GABRG3: variants seen among roughly 807,000 people sequenced by gnomAD.
The protein encoded by GABRG3 is gamma-aminobutyric acid type A receptor subunit gamma3, also known as gamma-aminobutyric acid receptor subunit gamma-3.
A neutral mutation model predicts 48.8 loss-of-function variants in GABRG3; 25 were observed. The observed-to-expected ratio is 0.51, with a 90% CI of 0.37 to 0.72. GABRG3 has a LOEUF of 0.72. GABRG3 is among the 30% of genes least tolerant of loss of function. The pLI is 0.00. For missense variants in GABRG3, 394 were observed against 577.9 expected (o/e 0.68, Z 3.26); for synonymous variants, 227 against 217.6 (o/e 1.04, Z -0.38).
At chr15:26,978,391 T>C (rs1275708422) in intron 2 of GABRG3, among the ~76,000 whole-genome samples, 1 of 152,206 alleles carries the variant, frequency 6.6e-6, no homozygotes, top group African/African-American at 2.4e-5. Flanking sequence ...TGTCTAAGAA[T>C]TCTGCATGAA....
intron 3 of GABRG3, among the ~76,000 whole-genome samples, chr15:27,220,300 C>A (rs912751788): frequency 6.6e-6 from 1 of 151,998 alleles, no homozygotes; most frequent in South Asian, 2.1e-4. Flanking sequence ...GGTTAAGGAA[C>A]CAAAGCTTTG....
At position 27,394,021 on chromosome 15, in the gene GABRG3, T is replaced by A. The variant is rs374299075; in HGVS notation, c.574+65133T>A. Among the ~76,000 whole-genome samples the A allele has an allele frequency of 6.6e-5, 10 of 152,350 alleles. 1 individual carries two copies. In the East Asian group the frequency reaches 9.6e-4, roughly 15 times the overall value. On this transcript the variant is annotated intron_variant, in intron 5 of 9. Transcript: ENST00000615808. ...ATAGACAGCATATAGTCTGATCATGTTCTTGTTTTAATCTATTCTGCCAAT... is the reference window on the plus strand; with the variant it reads ...ATAGACAGCATATAGTCTGATCATGATCTTGTTTTAATCTATTCTGCCAAT...
intron 3 of GABRG3, among the ~76,000 whole-genome samples, chr15:27,285,741 T>A (rs187624272): frequency 1.3e-5 from 2 of 152,280 alleles, no homozygotes; most frequent in Admixed American, 1.3e-4. Context: ...CTTTATCTTC[T>A]TGAGTAAAAT....
Position 27,541,957 on chromosome 15 carries a change from T to C in GABRG3, c.*9076T>C, listed in dbSNP as rs917600300. 2 of 152,274 alleles carry C rather than the reference T, an allele frequency of 1.3e-5. No individual in the cohort carries two copies. The highest frequency in any genetic ancestry group is 4.8e-5 in the African/African-American group (2 of 41,470). 9.4% of individuals were successfully genotyped at this position (152,274 alleles called of 1,614,324 possible). A position where few individuals can be genotyped will look rare whatever the true frequency, so the allele number is the denominator to read the frequency against. ...TGGATTCCTACGTTTGTACTTCTAA[T>C]ACAAATAAATGCACATGTTGTCAGA... On this transcript the variant is annotated 3_prime_UTR_variant, in exon 10 of 10. Transcript: ENST00000615808.
chr15:27,316,315 G>C (rs1169631611), intron 3 of GABRG3, among the ~76,000 whole-genome samples: 1 of 149,544 alleles, frequency 6.7e-6, no homozygotes, highest in Admixed American at 6.7e-5. Flanking sequence ...GTGAACCCGG[G>C]AGGCAGAGCT....
At chr15:27,186,479 G>A (rs1232004625) in intron 3 of GABRG3, among the ~76,000 whole-genome samples, 1 of 152,166 alleles carries the variant, frequency 6.6e-6, no homozygotes, top group Non-Finnish European at 1.5e-5. Context: ...ACATGTGGGT[G>A]CATCGTATGT....
intron 3 of GABRG3, among the ~76,000 whole-genome samples, chr15:27,166,322 C>T (rs1887368580): frequency 6.6e-6 from 1 of 152,164 alleles, no homozygotes; most frequent in African/African-American, 2.4e-5. Context: ...AATAGAGTAT[C>T]ACCATTAATT....
intron 3 of GABRG3, among the ~76,000 whole-genome samples, chr15:27,276,072 G>A (rs1891243521): frequency 6.6e-6 from 1 of 152,188 alleles, no homozygotes; most frequent in South Asian, 2.1e-4. Context: ...AACGAGCAAA[G>A]GCTGTTCATT....
intron 3 of GABRG3, among the ~76,000 whole-genome samples, chr15:27,047,204 C>T (rs1025151215): frequency 1.3e-5 from 2 of 152,174 alleles, no homozygotes; most frequent in African/African-American, 4.8e-5. Context: ...TCCATATTCC[C>T]CGAGACTTCC....
intron 7 of GABRG3, among the ~76,000 whole-genome samples, chr15:27,526,867 A>G (rs1477341910): frequency 3.3e-5 from 5 of 152,214 alleles, no homozygotes; most frequent in African/African-American, 4.8e-5. Context: ...CTTAAAGACC[A>G]CACAATCTAT....
chr15:27,382,030 T>C (rs972269665), intron 5 of GABRG3, among the ~76,000 whole-genome samples: 1 of 152,232 alleles, frequency 6.6e-6, no homozygotes, highest in African/African-American at 2.4e-5. Flanking sequence ...GTAGTTATTA[T>C]TATTGCTTCC....
intron 3 of GABRG3, among the ~76,000 whole-genome samples, chr15:27,247,089 C>A (rs943718012): frequency 1.3e-5 from 2 of 152,132 alleles, no homozygotes; most frequent in African/African-American, 4.8e-5. Flanking sequence ...CAGGTGTGCA[C>A]CACCATGCTG....
At chr15:27,470,844 T>C (rs1247640213) in intron 5 of GABRG3, among the ~76,000 whole-genome samples, 1 of 152,094 alleles carries the variant, frequency 6.6e-6, no homozygotes, top group African/African-American at 2.4e-5. Context: ...CTAGAAAAGT[T>C]TTTCCAAAGC....
intron 5 of GABRG3, among the ~76,000 whole-genome samples, chr15:27,395,565 G>T (rs1269999814): frequency 1.3e-5 from 2 of 151,778 alleles, no homozygotes; most frequent in East Asian, 3.9e-4. Context: ...ACAGAATTGA[G>T]AATCTAGAAA....
At chr15:27,286,411 ATCT>A (rs992916483) in intron 3 of GABRG3, among the ~76,000 whole-genome samples, 2 of 152,182 alleles carry the variant, frequency 1.3e-5, no homozygotes, top group East Asian at 1.9e-4. Context: ...AAACAGTTTC[ATCT>A]TCTTCCTTCA....
intron 6 of GABRG3, among the ~76,000 whole-genome samples, chr15:27,511,650 C>T (rs575822394): frequency 5.3e-5 from 8 of 152,280 alleles, no homozygotes; most frequent in Non-Finnish European, 4.4e-5. Context: ...GCAAAGAAAA[C>T]GGACGAAGTG....
At chr15:27,401,476 C>G (rs542289796) in intron 5 of GABRG3, among the ~76,000 whole-genome samples, 1 of 152,288 alleles carries the variant, frequency 6.6e-6, no homozygotes, top group South Asian at 2.1e-4. Flanking sequence ...AATGTGTGAA[C>G]TTTTTCAATG....
chr15:27,357,089 A>G (rs1041583128), intron 5 of GABRG3, among the ~76,000 whole-genome samples: 2 of 152,174 alleles, frequency 1.3e-5, no homozygotes, highest in Non-Finnish European at 2.9e-5. Context: ...CTAAAAGGGG[A>G]CTGCATTGGG....
chr15:27,365,323 AC>A (rs1595706816), intron 5 of GABRG3: 2 of 85,520 alleles, frequency 2.3e-5, no homozygotes, highest in East Asian at 4.2e-4. Flanking sequence ...ACACACACAC[AC>A]ACACACACAC....
Sources: gnomAD v4.1 joint callset for allele counts (sites outside exome capture counted in the v4.1 genomes callset) on GRCh38, gnomAD v4.1.1 for gene constraint, MANE v1.5 for transcripts, NCBI Gene and HGNC (gene_info 2026-07-23, HGNC 2026-07-21) for gene names.